MAST4: variants seen among roughly 807,000 people sequenced by gnomAD.
MAST4 encodes the protein microtubule associated serine/threonine kinase family member 4.
MAST4 carries 89 observed loss-of-function variants against 162.7 expected under a neutral mutation model. The observed-to-expected ratio is 0.55, with a 90% CI of 0.46 to 0.65. MAST4 has a LOEUF of 0.65. MAST4 is among the 30% of genes least tolerant of loss of function. MAST4 has a pLI of 0.00. For missense variants in MAST4, 3,153 were observed against 3,374.0 expected, an observed-to-expected ratio of 0.93 and a Z score of 1.62; for synonymous variants, 1,479 against 1,361.1, an observed-to-expected ratio of 1.09 and a Z score of -1.91.
At chr5:66,786,397 C>A (rs1755121775) in intron 2 of MAST4, among the ~76,000 whole-genome samples, 1 of 151,582 alleles carries the variant, frequency 6.6e-6, no homozygotes, top group African/African-American at 2.4e-5. Context: ...TTCTGTACCT[C>A]TCAATCATGC....
chr5:66,968,205 C>A (rs1384179871), intron 4 of MAST4, among the ~76,000 whole-genome samples: 1 of 152,188 alleles, frequency 6.6e-6, no homozygotes, highest in Non-Finnish European at 1.5e-5. Context: ...CTTCATCCCC[C>A]AACATCTTCC....
chr5:67,095,644 A>G lies in MAST4; in HGVS notation c.881A>G (p.Tyr294Cys), dbSNP rs1383176822. ...WSLASLPSSG[Y>C]GTNTPSSTVS... is the part of the protein sequence containing the mutation. ...TTGGCTTCTCTCCCTTCCTCTGGCT[A>G]TGGGACAAACACACCCAGCTCTACG... The change falls in exon 7 of 29, where the codon TAT becomes TGT. Residue 294 changes from tyrosine to cysteine, a missense_variant. Tyr to Cys is a radical substitution (Grantham distance 194, BLOSUM62 -2). Around this residue, in one of 7 missense-constraint regions of MAST4, gnomAD observed 360 missense variants for 450.0 expected, o/e 0.80. Coordinates refer to ENST00000403625, the MANE Select transcript of MAST4 (RefSeq NM_001164664.2). The G allele has an allele frequency of 1.2e-6, 2 of 1,607,652 alleles. No individual in the cohort carries two copies. The highest frequency in any genetic ancestry group is 1.7e-6 in the Non-Finnish European group (2 of 1,176,878).
chr5:66,968,953 G>A (rs1030780281), intron 4 of MAST4, among the ~76,000 whole-genome samples: 1 of 152,214 alleles, frequency 6.6e-6, no homozygotes, highest in Non-Finnish European at 1.5e-5. Context: ...CTAAGGAGGA[G>A]TAGTAGAATG....
chr5:67,142,140 T>C lies in MAST4; in HGVS notation c.2520T>C (p.His840=). Residue 840 remains histidine, a synonymous_variant, in exon 20 of 29, where the codon CAT becomes CAC. Coordinates refer to ENST00000403625, the MANE Select transcript of MAST4 (RefSeq NM_001164664.2). ...GTGGTGCATATGAAGTCAAACAGCA[T>C]CGATTCTTCCGTTCTTTAGACTGGA... ...GTGGAYEVKQ[H]RFFRSLDWNS... 6.2e-7 allele frequency: 1 copy of C among 1,613,978 alleles called. No individual in the cohort carries two copies. Among genetic ancestry groups the C allele is most frequent in the South Asian group, 1.1e-5 (1 of 91,086 alleles).
intron 3 of MAST4, among the ~76,000 whole-genome samples, chr5:66,819,277 T>TA (rs545115236): frequency 1.6e-3 from 240 of 152,092 alleles, no homozygotes; most frequent in Admixed American, 6.6e-3. Flanking sequence ...CTTAGCTATT[T>TA]AAAAAAAATA....
In MAST4 at chr5:66,886,498, G is replaced by A. The variant is rs1354257793; in HGVS notation, c.643-13453G>A. On this transcript the variant is annotated intron_variant, in intron 3 of 28. Transcript: ENST00000403625. ...TTCTAACGTCGATTCTCCCCACCCC[G>A]TTTGTTAAAACTATTTTATATCATC... Among the ~76,000 whole-genome samples, 8 of 151,740 alleles carry A rather than the reference G, an allele frequency of 5.3e-5. No individual in the cohort carries two copies. In the East Asian group the frequency reaches 5.8e-4, roughly 11 times the overall value.
intron 4 of MAST4, among the ~76,000 whole-genome samples, chr5:66,903,373 C>T (rs1053514216): frequency 1.4e-5 from 2 of 147,600 alleles, no homozygotes; most frequent in Admixed American, 6.8e-5. Context: ...TTGCTTTAAC[C>T]AAGTATTTAT....
intron 5 of MAST4, among the ~76,000 whole-genome samples, chr5:67,070,840 G>C (rs1760870705): frequency 6.6e-6 from 1 of 152,124 alleles, no homozygotes; most frequent in Non-Finnish European, 1.5e-5. Context: ...TGACATCAGA[G>C]ACTTTATACC....
At chr5:67,100,663 C>T (rs575842623) in intron 8 of MAST4, 71 bp downstream of exon 8, 33 of 1,577,610 alleles carry the variant, frequency 2.1e-5, no homozygotes, top group Middle Eastern at 3.6e-4. Flanking sequence ...GTGAACACTT[C>T]GGTCCTTTAG....
intron 1 of MAST4, among the ~76,000 whole-genome samples, chr5:66,753,247 A>G (rs1171881724): frequency 1.3e-5 from 2 of 152,184 alleles, no homozygotes; most frequent in South Asian, 2.1e-4. Flanking sequence ...GAGAACTAGA[A>G]AAGCAAGAGC....
rs376170912 is a variant in MAST4 at position 66,723,210 on chromosome 5, G to T, written c.364-36499G>T. ...CATTTTAAATCAGGAATCTGTTAAGGTATAAGTTCTTGGAAGCCCTTGTCC... is the reference window on the plus strand; with the variant it reads ...CATTTTAAATCAGGAATCTGTTAAGTTATAAGTTCTTGGAAGCCCTTGTCC... On this transcript the variant is annotated intron_variant, in intron 1 of 28. Coordinates refer to ENST00000403625, the MANE Select transcript of MAST4 (RefSeq NM_001164664.2). Among the ~76,000 whole-genome samples, 28 of 152,250 alleles carry T rather than the reference G, an allele frequency of 1.8e-4. No homozygotes were observed. The East Asian group carries it at 5.2e-3, about 28-fold the overall frequency.
chr5:66,616,639 A>G (rs926313746), intron 1 of MAST4, among the ~76,000 whole-genome samples: 1 of 152,150 alleles, frequency 6.6e-6, no homozygotes, highest in Non-Finnish European at 1.5e-5. Context: ...TAGAACCCCC[A>G]AGCAGCCAGG....
chr5:66,867,329 A>G (rs1760604174), intron 3 of MAST4, among the ~76,000 whole-genome samples: 1 of 152,192 alleles, frequency 6.6e-6, no homozygotes, highest in Admixed American at 6.5e-5. Flanking sequence ...GGCACCCATT[A>G]TTTCACGCCT....
intron 1 of MAST4, among the ~76,000 whole-genome samples, chr5:66,707,894 A>G (rs2149519747): frequency 6.6e-6 from 1 of 152,158 alleles, no homozygotes; most frequent in African/African-American, 2.4e-5. Context: ...TTTTGGTAGT[A>G]TTTGCTCAGG....
At chr5:67,110,317 A>T (rs946931757) in intron 11 of MAST4, 118 bp downstream of exon 11, 18 of 705,046 alleles carry the variant, frequency 2.6e-5, no homozygotes, top group Non-Finnish European at 4.1e-5. Flanking sequence ...GTCAAAGGGA[A>T]TTACAACTTG....
At chr5:66,864,152 G>C (rs923353431) in intron 3 of MAST4, among the ~76,000 whole-genome samples, 1 of 152,202 alleles carries the variant, frequency 6.6e-6, no homozygotes, top group Non-Finnish European at 1.5e-5. Flanking sequence ...CTTACAGAAA[G>C]ACAAACATAC....
In MAST4 at chr5:67,130,697, G is replaced by C. The variant is rs1250366815; in HGVS notation, c.1954+279G>C. ...TCCTCTCAATTGGTCATTAAAGTTG[G>C]AATATAGGTGATGGGATTTTTTTCT... On this transcript the variant is annotated intron_variant, in intron 15 of 28. Coordinates refer to ENST00000403625, the MANE Select transcript of MAST4 (RefSeq NM_001164664.2). Among the ~76,000 whole-genome samples, 2 of 152,056 alleles carry C rather than the reference G, an allele frequency of 1.3e-5. 1 individual carries two copies. The highest frequency in any genetic ancestry group is 4.1e-4 in the South Asian group (2 of 4,820).
In MAST4 at chr5:67,126,487, T is replaced by C. The variant is rs148010689; in HGVS notation, c.1746-3723T>C. 2.6e-5 allele frequency among the ~76,000 whole-genome samples: 4 copies of C among 152,348 alleles called. No homozygotes were observed. The South Asian group carries it at 6.2e-4, about 24-fold the overall frequency. The stretch of plus-strand genomic sequence containing the variant: ...TGGCTAGCCAGTTTTCCCAATACCA[T>C]TTTAAATAGGGAATCCTTTCCCCCA... On this transcript the variant is annotated intron_variant, in intron 14 of 28. Coordinates refer to ENST00000403625, the MANE Select transcript of MAST4 (RefSeq NM_001164664.2).
At chr5:66,850,699 G>A (rs1759241663) in intron 3 of MAST4, among the ~76,000 whole-genome samples, 1 of 152,092 alleles carries the variant, frequency 6.6e-6, no homozygotes, top group South Asian at 2.1e-4. Context: ...TCCCCAAGGT[G>A]TCTCATTATA....
Sources: gnomAD v4.1 joint callset for allele counts (sites outside exome capture counted in the v4.1 genomes callset) on GRCh38, gnomAD v4.1.1 for gene constraint, gnomAD v4.1.1 regional missense constraint, MANE v1.5 for transcripts, NCBI Gene and HGNC (gene_info 2026-07-23, HGNC 2026-07-21) for gene names.